NOX3: variants seen among roughly 807,000 people sequenced by gnomAD.
The protein encoded by NOX3 is NADPH oxidase 3, also known as NADPH oxidase catalytic subunit-like 3.
In NOX3, 74 loss-of-function variants were observed where a neutral mutation model predicts 76.7. That is an observed-to-expected ratio of 0.96 (90% CI 0.80 to 1.17). The LOEUF (loss-of-function observed/expected upper bound fraction) is 1.17, where lower values mean the gene tolerates loss of function less well. Ranked by LOEUF, NOX3 falls within the 50% of genes most tolerant of loss-of-function variation. The probability of loss-of-function intolerance (pLI) is 0.00; values close to 1 mark genes in which losing one functional copy is unlikely to be tolerated. For missense variants in NOX3, 695 were observed against 703.3 expected (o/e 0.99, Z 0.13); for synonymous variants, 263 against 261.1 (o/e 1.01, Z -0.07).
intron 10 of NOX3, among the ~76,000 whole-genome samples, chr6:155,416,321 A>C (rs1162040705): frequency 6.6e-6 from 1 of 152,236 alleles, no homozygotes; most frequent in Non-Finnish European, 1.5e-5. Context: ...CTCTCTGTGA[A>C]AAGATAAAGA....
chr6:155,397,031 T>C (rs1779148426), intron 12 of NOX3, 69 bp from the exon 13 acceptor site: 2 of 1,441,174 alleles, frequency 1.4e-6, no homozygotes, highest in Non-Finnish European at 9.4e-7. Context: ...GCCAAGACAA[T>C]GATAAGATTA....
At chr6:155,452,891 G>A (rs1777165593) in intron 4 of NOX3, among the ~76,000 whole-genome samples, 3 of 152,068 alleles carry the variant, frequency 2.0e-5, no homozygotes, top group Admixed American at 2.0e-4. Flanking sequence ...TATAATAATA[G>A]CAATAACACT....
At chr6:155,397,604 C>T (rs1257582403) in intron 12 of NOX3, among the ~76,000 whole-genome samples, 1 of 152,176 alleles carries the variant, frequency 6.6e-6, no homozygotes, top group African/African-American at 2.4e-5. Context: ...GGGCAAGTCA[C>T]TAGACCTCAG....
At chr6:155,424,680 T>C (rs1776734458) in intron 9 of NOX3, among the ~76,000 whole-genome samples, 1 of 152,196 alleles carries the variant, frequency 6.6e-6, no homozygotes, top group African/African-American at 2.4e-5. Flanking sequence ...CATATTGATA[T>C]ATGGAAATGG....
intron 7 of NOX3, among the ~76,000 whole-genome samples, chr6:155,432,310 A>G (rs1432458897): frequency 2.7e-5 from 4 of 150,230 alleles, no homozygotes; most frequent in African/African-American, 7.3e-5. Flanking sequence ...GGTGGACCAG[A>G]GATAGCCAGG....
chr6:155,404,490 G>A (rs1214608006), intron 12 of NOX3, among the ~76,000 whole-genome samples: 2 of 152,188 alleles, frequency 1.3e-5, no homozygotes, highest in Non-Finnish European at 2.9e-5. Flanking sequence ...GAGGTGTCAG[G>A]AAGTGACACC....
chr6:155,429,281 C>T (rs1032164049), intron 8 of NOX3, among the ~76,000 whole-genome samples: 16 of 152,198 alleles, frequency 1.1e-4, no homozygotes, highest in East Asian at 1.9e-4. Flanking sequence ...TAGCTGCACC[C>T]AGGTGCAATT....
intron 10 of NOX3, among the ~76,000 whole-genome samples, chr6:155,411,804 CT>C (rs1476438466): frequency 6.6e-6 from 1 of 152,212 alleles, no homozygotes; most frequent in Non-Finnish European, 1.5e-5. Context: ...CACTAATCCA[CT>C]TCACTAGCTA....
intron 6 of NOX3, among the ~76,000 whole-genome samples, chr6:155,439,537 C>T (rs1305830809): frequency 6.6e-6 from 1 of 152,156 alleles, no homozygotes. Flanking sequence ...GCCCATGCCA[C>T]ACATTGTCCC....
intron 9 of NOX3, among the ~76,000 whole-genome samples, chr6:155,424,852 C>T (rs1209814272): frequency 6.6e-6 from 1 of 152,130 alleles, no homozygotes; most frequent in African/African-American, 2.4e-5. Context: ...AATAATCAGT[C>T]ATATTGGGAA....
At chr6:155,421,573 CT>C (rs1267410910) in intron 10 of NOX3, among the ~76,000 whole-genome samples, 6 of 152,120 alleles carry the variant, frequency 3.9e-5, no homozygotes, top group African/African-American at 1.4e-4. Context: ...TTCTGCGGAA[CT>C]TTTTTTAGAG....
intron 12 of NOX3, among the ~76,000 whole-genome samples, chr6:155,397,609 C>T (rs1779156064): frequency 1.3e-5 from 2 of 152,246 alleles, no homozygotes; most frequent in South Asian, 4.1e-4. Flanking sequence ...AGTCACTAGA[C>T]CTCAGTTTCT....
chr6:155,419,388 A>T (rs1464938722), intron 10 of NOX3, among the ~76,000 whole-genome samples: 1 of 152,194 alleles, frequency 6.6e-6, no homozygotes, highest in African/African-American at 2.4e-5. Context: ...TCAGTGGTGA[A>T]CAAGCTGGGT....
intron 10 of NOX3, among the ~76,000 whole-genome samples, chr6:155,420,331 C>T (rs1285857902): frequency 2.6e-5 from 4 of 152,140 alleles, no homozygotes; most frequent in East Asian, 1.9e-4. Context: ...CTTTTAGTGT[C>T]GTGGAAACCA....
At chr6:155,414,614 C>G (rs965101123) in intron 10 of NOX3, among the ~76,000 whole-genome samples, 1 of 134,594 alleles carries the variant, frequency 7.4e-6, no homozygotes, top group Admixed American at 7.3e-5. Flanking sequence ...TTTTTCTTTT[C>G]TTTTCTTTCT....
At chr6:155,422,595 A>G in intron 10 of NOX3, 99 bp downstream of exon 10, 1 of 1,150,146 alleles carries the variant, frequency 8.7e-7, no homozygotes, top group Non-Finnish European at 1.3e-6. Context: ...TTTATCCCTC[A>G]TAGTTAATTA....
At chr6:155,399,379 T>C (rs1383297254) in intron 12 of NOX3, among the ~76,000 whole-genome samples, 2 of 152,206 alleles carry the variant, frequency 1.3e-5, no homozygotes, top group African/African-American at 2.4e-5. Flanking sequence ...GGTGTTCTCC[T>C]GGTGTCCCCA....
At chr6:155,419,861 T>A (rs1776667229) in intron 10 of NOX3, among the ~76,000 whole-genome samples, 1 of 152,148 alleles carries the variant, frequency 6.6e-6, no homozygotes, top group African/African-American at 2.4e-5. Context: ...TAAAAATCAT[T>A]GAAGAATTTT....
At chr6:155,448,105 A>G (rs1777088303) in intron 4 of NOX3, among the ~76,000 whole-genome samples, 1 of 152,168 alleles carries the variant, frequency 6.6e-6, no homozygotes, top group Non-Finnish European at 1.5e-5. Flanking sequence ...ACTGAAGAGG[A>G]TACTTCTCAG....
Sources: gnomAD v4.1 joint callset for allele counts (sites outside exome capture counted in the v4.1 genomes callset) on GRCh38, gnomAD v4.1.1 for gene constraint, MANE v1.5 for transcripts, NCBI Gene and HGNC (gene_info 2026-07-23, HGNC 2026-07-21) for gene names.